Variants in RARB observed in about 807,000 individuals in gnomAD.
RARB encodes retinoic acid receptor beta, also known as HBV-activated protein.
A neutral mutation model predicts 51.9 loss-of-function variants in RARB; 17 were observed. The ratio of observed to expected loss-of-function variants is 0.33; its 90% confidence interval spans 0.22 to 0.49. The LOEUF (loss-of-function observed/expected upper bound fraction) is 0.49. Ranked by LOEUF, RARB falls within the 20% of genes least tolerant of loss-of-function variation. The pLI is 0.99. For synonymous variants in RARB, 215 were observed against 195.4 expected (o/e 1.10, Z -0.84); for missense variants, 369 against 550.8 (o/e 0.67, Z 3.30).
chr3:25,412,535 G>T (rs1707589694), intron 5 of RARB, among the ~76,000 whole-genome samples: 1 of 152,144 alleles, frequency 6.6e-6, no homozygotes, highest in South Asian at 2.1e-4. Context: ...AACTTTCTCA[G>T]TTATGGGAAC....
intron 5 of RARB, among the ~76,000 whole-genome samples, chr3:25,387,007 A>G (rs1396948329): frequency 6.6e-6 from 1 of 152,246 alleles, no homozygotes; most frequent in Admixed American, 6.5e-5. Context: ...GAGGTGCTAC[A>G]GTTGCTCTTC....
chr3:25,087,041 A>T (rs532715328), intron 3 of RARB, among the ~76,000 whole-genome samples: 1 of 152,266 alleles, frequency 6.6e-6, no homozygotes, highest in East Asian at 1.9e-4. Flanking sequence ...CCATTTCAAA[A>T]TATGTCCAAG....
At chr3:25,207,120 A>G (rs1701568605) in intron 5 of RARB, among the ~76,000 whole-genome samples, 1 of 152,208 alleles carries the variant, frequency 6.6e-6, no homozygotes, top group Non-Finnish European at 1.5e-5. Context: ...TTTGAAGCTC[A>G]GGGGAAAATG....
At position 25,487,505 on chromosome 3, in the gene RARB, C is replaced by T. The variant is rs573659842; in HGVS notation, c.307-13677C>T. ...TTTTTTTTCAATCTGTAAATGAGGA[C>T]ACCTAATGCGGAATGGTCGGCATGA... On this transcript the variant is annotated intron_variant, in intron 2 of 7. Coordinates refer to ENST00000330688, the MANE Select transcript of RARB (RefSeq NM_000965.5). Among the ~76,000 whole-genome samples, 14 of 148,586 alleles carry T rather than the reference C, an allele frequency of 9.4e-5. No individual in the cohort carries two copies. The East Asian group carries it at 2.8e-3, about 29-fold the overall frequency.
At chr3:24,857,850 C>T (rs942086669) in intron 1 of RARB, among the ~76,000 whole-genome samples, 2 of 152,152 alleles carry the variant, frequency 1.3e-5, no homozygotes, top group Admixed American at 6.5e-5. Flanking sequence ...AGCCTGAACC[C>T]AGGAGTTTGA....
At position 25,151,551 on chromosome 3, in the gene RARB, G is replaced by T. The variant is rs183696486; in HGVS notation, c.-280+19343G>T. Among the ~76,000 whole-genome samples, 72 of 152,286 alleles carry T rather than the reference G, an allele frequency of 4.7e-4. 1 individual carries two copies. The highest frequency in any genetic ancestry group is 1.6e-3 in the African/African-American group (65 of 41,550). Reference sequence around the variant, plus strand: ...GTACACTAAGTTGAATCTATAAACAGAACCTACTAATTAAGAGTAATTGCT... The same window carrying T: ...GTACACTAAGTTGAATCTATAAACATAACCTACTAATTAAGAGTAATTGCT... On this transcript the variant is annotated intron_variant, in intron 4 of 11. Transcript: ENST00000383772.
At chr3:25,417,187 GA>G (rs1188790188) in intron 5 of RARB, among the ~76,000 whole-genome samples, 1 of 132,268 alleles carries the variant, frequency 7.6e-6, no homozygotes, top group Non-Finnish European at 1.6e-5. Flanking sequence ...ATGCCACATC[GA>G]AAAACCAATT....
At chr3:24,980,074 T>G (rs564748463) in intron 2 of RARB, among the ~76,000 whole-genome samples, 10 of 152,314 alleles carry the variant, frequency 6.6e-5, no homozygotes, top group African/African-American at 2.4e-4. Flanking sequence ...AATTCTTTTC[T>G]TTAAGAATGT....
chr3:24,921,378 G>A (rs1355580244), intron 2 of RARB, among the ~76,000 whole-genome samples: 1 of 152,052 alleles, frequency 6.6e-6, no homozygotes, highest in African/African-American at 2.4e-5. Flanking sequence ...AGCACTACAT[G>A]CTTCTGTTTT....
intron 2 of RARB, among the ~76,000 whole-genome samples, chr3:25,058,497 A>G (rs1019421657): frequency 6.6e-6 from 1 of 151,866 alleles, no homozygotes; most frequent in Non-Finnish European, 1.5e-5. Flanking sequence ...CCAGTAAGAT[A>G]TAATCCATGC....
At chr3:25,221,334 C>T (rs182981190) in intron 5 of RARB, among the ~76,000 whole-genome samples, 1 of 152,348 alleles carries the variant, frequency 6.6e-6, no homozygotes, top group East Asian at 1.9e-4. Flanking sequence ...TAGTTCATAA[C>T]TGAGTGCTAC....
chr3:25,167,898 A>T (rs1247739730), intron 4 of RARB, among the ~76,000 whole-genome samples: 2 of 152,242 alleles, frequency 1.3e-5, no homozygotes. Context: ...AGATGCTTAC[A>T]GGATTGCTCA....
chr3:25,596,421 T>C lies in RARB; in HGVS notation c.1152T>C (p.Gly384=). 1 of 1,608,774 alleles carries C rather than the reference T, an allele frequency of 6.2e-7. No individual in the cohort carries two copies. ...ATTTCCATTATCTCTTTTGAAAAGG[T>C]GCAGAGCGTGTAATTACCTTGAAAA... ...ITDLRSISAK[G]AERVITLKME... Residue 384 remains glycine (G), a splice_region_variant and synonymous_variant, in exon 8 of 8, where the codon GGT becomes GGC. Transcript: ENST00000330688.
intron 2 of RARB, among the ~76,000 whole-genome samples, chr3:25,008,753 C>A (rs984155081): frequency 2.0e-5 from 3 of 152,116 alleles, no homozygotes; most frequent in African/African-American, 7.2e-5. Context: ...ATCTCCTCAA[C>A]CCTGCCTGAT....
intron 3 of RARB, among the ~76,000 whole-genome samples, chr3:25,513,366 A>G (rs1697999778): frequency 6.6e-6 from 1 of 152,016 alleles, no homozygotes; most frequent in South Asian, 2.1e-4. Context: ...AGAAAAGGGT[A>G]CCTAAGGACT....
chr3:24,926,822 T>G (rs928064316), intron 2 of RARB, among the ~76,000 whole-genome samples: 1 of 152,120 alleles, frequency 6.6e-6, no homozygotes, highest in Admixed American at 6.6e-5. Context: ...TGTATAGTTA[T>G]GATAAATTCC....
At chr3:25,041,226 C>T (rs1337936729) in intron 2 of RARB, among the ~76,000 whole-genome samples, 1 of 152,098 alleles carries the variant, frequency 6.6e-6, no homozygotes, top group Non-Finnish European at 1.5e-5. Context: ...TGGGGGATGT[C>T]ACTTACCACC....
intron 3 of RARB, among the ~76,000 whole-genome samples, chr3:25,092,525 G>C (rs1199006226): frequency 6.6e-6 from 1 of 152,038 alleles, no homozygotes; most frequent in Non-Finnish European, 1.5e-5. Context: ...TGGTGTGCCT[G>C]TAAAGTATAC....
intron 2 of RARB, among the ~76,000 whole-genome samples, chr3:24,969,406 A>C (rs1314176349): frequency 3.9e-5 from 6 of 152,086 alleles, no homozygotes; most frequent in Non-Finnish European, 8.8e-5. Flanking sequence ...AATAATAGTA[A>C]TGATGTCAGT....
Sources: gnomAD v4.1 joint callset for allele counts (sites outside exome capture counted in the v4.1 genomes callset) on GRCh38, gnomAD v4.1.1 for gene constraint, MANE v1.5 for transcripts, NCBI Gene and HGNC (gene_info 2026-07-23, HGNC 2026-07-21) for gene names.